The following MPZL1 variants were observed in gnomAD, a reference collection of about 807,000 sequenced individuals.
MPZL1 encodes myelin protein zero like 1.
MPZL1 carries 16 observed loss-of-function variants against 29.3 expected under a neutral mutation model. That is an observed-to-expected ratio of 0.55 (90% CI 0.37 to 0.83). The LOEUF (loss-of-function observed/expected upper bound fraction) is 0.83. MPZL1 is among the 40% of genes least tolerant of loss of function. The pLI, the probability that MPZL1 is intolerant of heterozygous loss-of-function variation, is 0.00. For synonymous variants in MPZL1, 143 were observed against 132.0 expected (o/e 1.08, Z -0.57); for missense variants, 279 against 332.9 (o/e 0.84, Z 1.26).
At chr1:167,770,512 ATCT>A in intron 2 of MPZL1, among the ~76,000 whole-genome samples, 1 of 152,252 alleles carries the variant, frequency 6.6e-6, no homozygotes, top group Non-Finnish European at 1.5e-5. Context: ...CGGCAAGAGT[ATCT>A]TGTGTTATCT....
chr1:167,772,115 C>T (rs1457025091), intron 2 of MPZL1, among the ~76,000 whole-genome samples, 160 bp from the exon 3 acceptor site: 6 of 151,598 alleles, frequency 4.0e-5, no homozygotes, highest in East Asian at 1.9e-4. Flanking sequence ...AGAGGGAGAC[C>T]GAAAAAAGGA....
intron 1 of MPZL1, among the ~76,000 whole-genome samples, chr1:167,726,115 C>G (rs911838591): frequency 2.0e-5 from 3 of 152,192 alleles, no homozygotes; most frequent in Admixed American, 2.0e-4. Flanking sequence ...CAACTTGTAC[C>G]ACCCACCACC....
At chr1:167,767,828 T>C (rs1446655237) in intron 2 of MPZL1, among the ~76,000 whole-genome samples, 1 of 148,498 alleles carries the variant, frequency 6.7e-6, no homozygotes, top group Non-Finnish European at 1.5e-5. Flanking sequence ...GTTAATTGTG[T>C]TCATCTGCAG....
intron 1 of MPZL1, among the ~76,000 whole-genome samples, chr1:167,751,907 A>G (rs537309779): frequency 1.2e-4 from 18 of 152,304 alleles, no homozygotes; most frequent in Admixed American, 1.0e-3. Context: ...TTATTCCAAT[A>G]AATTTTCCAG....
At chr1:167,757,495 C>G (rs909996012) in intron 1 of MPZL1, among the ~76,000 whole-genome samples, 1 of 152,196 alleles carries the variant, frequency 6.6e-6, no homozygotes, top group African/African-American at 2.4e-5. Context: ...CCCATGTACT[C>G]ATGACCAGCC....
intron 5 of MPZL1, among the ~76,000 whole-genome samples, chr1:167,778,587 T>C (rs1661421780): frequency 6.6e-6 from 1 of 151,356 alleles, no homozygotes; most frequent in South Asian, 2.1e-4. Flanking sequence ...AAAATAATAA[T>C]TTAATAATTA....
intron 1 of MPZL1, among the ~76,000 whole-genome samples, chr1:167,753,548 T>C (rs899532398): frequency 4.6e-5 from 7 of 152,074 alleles, no homozygotes; most frequent in African/African-American, 1.7e-4. Context: ...TAATTTACCC[T>C]CCCCTGGGTG....
Position 167,722,519 on chromosome 1 carries a change from G to T in MPZL1, c.91+277G>T, listed in dbSNP as rs575992648. 5.9e-3 allele frequency among the ~76,000 whole-genome samples: 897 copies of T among 152,244 alleles called. 7 individuals are homozygous for T. The highest frequency in any genetic ancestry group is 9.1e-3 in the Non-Finnish European group (617 of 68,016). ...TTTACCTTGCTCCTTCCCGGGGGGCGGTCCAGGGGAGCGGACCCGGCGGGC... is the reference window on the plus strand; with the variant it reads ...TTTACCTTGCTCCTTCCCGGGGGGCTGTCCAGGGGAGCGGACCCGGCGGGC... On this transcript the variant is annotated intron_variant, in intron 1 of 5. Transcript: ENST00000359523.
intron 1 of MPZL1, among the ~76,000 whole-genome samples, chr1:167,744,683 CAA>C (rs3075159): frequency 6.3e-5 from 8 of 126,894 alleles, no homozygotes; most frequent in Non-Finnish European, 8.3e-5. Context: ...AACTCAGTCT[CAA>C]AAAAAAAAAA....
At chr1:167,760,161 G>A (rs557383968) in intron 1 of MPZL1, among the ~76,000 whole-genome samples, 22 of 152,206 alleles carry the variant, frequency 1.4e-4, no homozygotes, top group Non-Finnish European at 2.6e-4. Context: ...GACACCAAAT[G>A]AGGCAGAGAG....
intron 1 of MPZL1, among the ~76,000 whole-genome samples, chr1:167,741,675 C>T (rs1057392878): frequency 1.3e-5 from 2 of 152,198 alleles, no homozygotes; most frequent in African/African-American, 2.4e-5. Flanking sequence ...TTCCCCTCCA[C>T]TCCATTTTCT....
chr1:167,789,646 C>CAAAATT lies in MPZL1; in HGVS notation c.*1725_*1726insAAAATT, dbSNP rs1661665798. On this transcript the variant is annotated 3_prime_UTR_variant, in exon 6 of 6. Transcript: ENST00000359523. ...AGCTATTTTTGTTATTCTTGTAACGCTCCACCTTACATGCCACATCTGTGT... is the reference window on the plus strand; with the variant it reads ...AGCTATTTTTGTTATTCTTGTAACGCAAAATTTCCACCTTACATGCCACATCTGTGT... 4 of 152,206 alleles carry CAAAATT rather than the reference C, an allele frequency of 2.6e-5. No homozygotes were observed. The highest frequency in any genetic ancestry group is 4.4e-5 in the Non-Finnish European group (3 of 68,062). The allele number at this position is 152,206 out of a possible 1,614,324, so 9.4% of individuals were successfully genotyped here.
chr1:167,785,678 T>C (rs1248732034), intron 5 of MPZL1, among the ~76,000 whole-genome samples: 4 of 152,232 alleles, frequency 2.6e-5, no homozygotes, highest in South Asian at 2.1e-4. Context: ...AATTATGATA[T>C]GGGGTTTTAT....
intron 1 of MPZL1, chr1:167,765,377 A>G: frequency 3.0e-6 from 1 of 333,252 alleles, no homozygotes; most frequent in African/African-American, 2.1e-5. Context: ...AAAAAGCAAT[A>G]CAAACCTAAA....
chr1:167,780,445 A>G (rs1161911781), intron 5 of MPZL1, among the ~76,000 whole-genome samples: 1 of 152,246 alleles, frequency 6.6e-6, no homozygotes, highest in Non-Finnish European at 1.5e-5. Flanking sequence ...TTGTACATCC[A>G]TGTTCATAGC....
intron 1 of MPZL1, among the ~76,000 whole-genome samples, chr1:167,728,899 T>G (rs1660210443): frequency 1.3e-5 from 2 of 152,150 alleles, no homozygotes; most frequent in African/African-American, 2.4e-5. Flanking sequence ...GAACTTGCAA[T>G]GAACATTTTT....
intron 1 of MPZL1, among the ~76,000 whole-genome samples, chr1:167,755,575 A>C (rs1660852498): frequency 6.6e-6 from 1 of 152,206 alleles, no homozygotes; most frequent in Non-Finnish European, 1.5e-5. Flanking sequence ...TTTCCTACCA[A>C]AAGTTCCTTA....
At chr1:167,723,785 G>A (rs1660087079) in intron 1 of MPZL1, among the ~76,000 whole-genome samples, 1 of 152,206 alleles carries the variant, frequency 6.6e-6, no homozygotes, top group African/African-American at 2.4e-5. Flanking sequence ...AAAATCAGCA[G>A]CTGATGTTAT....
In MPZL1 at chr1:167,772,264, T is replaced by C. The variant is rs1571165883; in HGVS notation, c.259-11T>C. ...GAGAATAGTTCATGTGTTCCTTTTT[T>C]CTAATTGCAGTTTTTCCACTACTCC... is the stretch of plus-strand genomic sequence containing the variant. On this transcript the variant is annotated splice_polypyrimidine_tract_variant and intron_variant, in intron 2 of 5. Coordinates refer to ENST00000359523, the MANE Select transcript of MPZL1 (RefSeq NM_003953.6). The C allele has an allele frequency of 6.2e-7, 1 of 1,601,092 alleles. No individual in the cohort carries two copies. Among genetic ancestry groups the C allele is most frequent in the Non-Finnish European group, 8.6e-7 (1 of 1,168,678 alleles).
Sources: allele counts gnomAD v4.1 joint callset (sites outside exome capture counted in the v4.1 genomes callset), GRCh38; gene constraint gnomAD v4.1.1; transcripts MANE v1.5; gene names NCBI Gene and HGNC (gene_info 2026-07-23, HGNC 2026-07-21).